BIN1: variants seen among roughly 807,000 people sequenced by gnomAD.
BIN1 encodes bridging integrator 1, also known as myc box-dependent-interacting protein 1.
A neutral mutation model predicts 82.0 loss-of-function variants in BIN1; 53 were observed. The observed-to-expected ratio is 0.65, with a 90% CI of 0.52 to 0.81. BIN1 has a LOEUF of 0.81. Ranked by LOEUF, BIN1 falls within the 40% of genes least tolerant of loss-of-function variation. The probability of loss-of-function intolerance (pLI) is 0.00; values close to 1 mark genes in which losing one functional copy is unlikely to be tolerated. For missense variants in BIN1, 642 were observed against 784.4 expected, an observed-to-expected ratio of 0.82 and a Z score of 2.17; for synonymous variants, 302 against 328.0, an observed-to-expected ratio of 0.92 and a Z score of 0.86.
chr2:127,083,555 AC>A (rs1314057449), intron 1 of BIN1, among the ~76,000 whole-genome samples: 1 of 152,012 alleles, frequency 6.6e-6, no homozygotes, highest in African/African-American at 2.4e-5. Flanking sequence ...TACCATAAGC[AC>A]CCCCAATACA....
At position 127,090,323 on chromosome 2, in the gene BIN1, T is replaced by C. The variant is rs1678757819; in HGVS notation, c.85-13617A>G. ...CCACATGAGGAGCCCTGATGGGCCT[T>C]GCTACTACTCCACATCCCAGTGCCA... On this transcript the variant is annotated intron_variant, in intron 1 of 18. Transcript: ENST00000316724. The surrounding 1 kb of genome is among the most constrained non-coding windows in gnomAD (Gnocchi z 6.4). Among the ~76,000 whole-genome samples, 1 of 152,206 alleles carries C rather than the reference T, an allele frequency of 6.6e-6. No homozygotes were observed. The highest frequency in any genetic ancestry group is 1.5e-5 in the Non-Finnish European group (1 of 68,020).
At position 127,093,974 on chromosome 2, in the gene BIN1, C is replaced by G. The variant is rs1375474439; in HGVS notation, c.84+12886G>C. 6.6e-6 allele frequency among the ~76,000 whole-genome samples: 1 copy of G among 152,160 alleles called. No homozygotes were observed. Among genetic ancestry groups the G allele is most frequent in the African/African-American group, 2.4e-5 (1 of 41,436 alleles). ...AGGATACACACGGAGGGCATGGGTG[C>G]AGCTAGACACCCCCCACTGGCCTAA... On this transcript the variant is annotated intron_variant, in intron 1 of 18. Transcript: ENST00000316724. This position sits in a 1 kb window ranked among gnomAD's most constrained non-coding sequence, Gnocchi z 5.7.
chr2:127,051,697 G>A (rs111871016), intron 15 of BIN1, among the ~76,000 whole-genome samples: 215 of 152,294 alleles, frequency 1.4e-3, no homozygotes, highest in African/African-American at 5.1e-3. Flanking sequence ...ACAACCCAGC[G>A]CAGGTGGTGC....
chr2:127,099,856 T>C lies in BIN1; in HGVS notation c.84+7004A>G, dbSNP rs987950511. Among the ~76,000 whole-genome samples, 12 of 149,032 alleles carry C rather than the reference T, an allele frequency of 8.1e-5. No homozygotes were observed. The East Asian group carries it at 1.4e-3, about 17-fold the overall frequency. ...TCTCGCTCTGTCGCCCAGGCCGGAG[T>C]GCAGTGGTGTGATCTCAGCTCACTG... is the stretch of plus-strand genomic sequence containing the variant. On this transcript the variant is annotated intron_variant, in intron 1 of 18. Transcript: ENST00000316724.
In BIN1 at chr2:127,057,164, A is replaced by G. The variant is rs1443310713; in HGVS notation, c.1131+309T>C. The stretch of plus-strand genomic sequence containing the variant: ...CTTCCCTGACAGCCACACGTCCTCC[A>G]CACTCCCCGATCCCCTCTGCCATAG... On this transcript the variant is annotated intron_variant, in intron 12 of 18. Transcript: ENST00000316724. This position sits in a 1 kb window ranked among gnomAD's most constrained non-coding sequence, Gnocchi z 5.0. Among the ~76,000 whole-genome samples the G allele has an allele frequency of 6.6e-6, 1 of 152,102 alleles. No individual in the cohort carries two copies. Among genetic ancestry groups the G allele is most frequent in the Non-Finnish European group, 1.5e-5 (1 of 68,010 alleles).
rs372072916 is a variant in BIN1, at chr2:127,062,167, C to T, written c.805G>A (p.Gly269Ser). The T allele has an allele frequency of 6.1e-5, 99 of 1,610,770 alleles. No individual in the cohort carries two copies. The highest frequency in any genetic ancestry group is 3.3e-4 in the Middle Eastern group (2 of 6,080). Residue 269 changes from glycine (G) to serine (S), a missense_variant, in exon 10 of 19, where the codon GGC (glycine) becomes AGC (serine). Coordinates refer to ENST00000316724, the MANE Select transcript of BIN1 (RefSeq NM_139343.3). ...LNQNLNDVLVGLEKQHGSNTF... is the reference protein window; with the variant it reads ...LNQNLNDVLVSLEKQHGSNTF... ...TTGCTCCCGTGTTGCTTCTCCAGGC[C>T]GACCAGCACATCATTGAGGTTCTGG... is the stretch of plus-strand genomic sequence containing the variant.
Position 127,059,201 on chromosome 2 carries a change from G to T in BIN1, c.858-46C>A. ...GGGAGCCCAGTGTTGGGGGGCCAAG[G>T]CACAGGAGACGGAGGGGCAAATGTA... On this transcript the variant is annotated intron_variant, in intron 10 of 18. Transcript: ENST00000316724. This position sits in a 1 kb window ranked among gnomAD's most constrained non-coding sequence, Gnocchi z 6.7. 1.3e-6 allele frequency: 2 copies of T among 1,550,716 alleles called. No homozygotes were observed. Among genetic ancestry groups the T allele is most frequent in the South Asian group, 1.2e-5 (1 of 84,304 alleles).
chr2:127,081,830 AC>A, intron 1 of BIN1: 1 of 1,287,882 alleles, frequency 7.8e-7, no homozygotes. Context: ...TAAGGCCCTC[AC>A]CTTCCGCATC....
At chr2:127,053,151 G>T in intron 14 of BIN1, 1 of 550,780 alleles carries the variant, frequency 1.8e-6, no homozygotes, top group Non-Finnish European at 3.3e-6. Flanking sequence ...CTCACAGGCT[G>T]TGAAAACAGG....
chr2:127,070,766 G>A lies in BIN1; in HGVS notation c.216C>T (p.Val72=). 6.2e-7 allele frequency: 1 copy of A among 1,613,698 alleles called. No individual in the cohort carries two copies. The highest frequency in any genetic ancestry group is 8.5e-7 in the Non-Finnish European group (1 of 1,179,992). Residue 72 remains valine, a synonymous_variant, in exon 3 of 19, where the codon GTC becomes GTT. Transcript: ENST00000316724. ...QKDLRTYLAS[V]KAMHEASKKL... is the part of the protein sequence containing the mutation. ...TGCGCTCTGCCTGCCTCCTACCTTT[G>A]ACGGAGGCCAGGTAGGTCCGGAGAT...
At chr2:127,060,573 T>C (rs1183371061) in intron 10 of BIN1, 8 of 1,614,028 alleles carry the variant, frequency 5.0e-6, no homozygotes, top group Admixed American at 1.7e-5. Flanking sequence ...TCTGCGCCCC[T>C]CCGCAGCACT....
intron 17 of BIN1, 137 bp from the exon 18 acceptor site, chr2:127,050,659 C>T: frequency 1.5e-6 from 2 of 1,312,920 alleles, no homozygotes; most frequent in Non-Finnish European, 2.2e-6. Flanking sequence ...CAGTATGGGG[C>T]TCAGATGCCA....
Position 127,107,106 on chromosome 2 carries a change from A to C in BIN1, c.-163T>G, listed in dbSNP as rs560690864. 11 of 734,178 alleles carry C rather than the reference A, an allele frequency of 1.5e-5. No homozygotes were observed. The highest frequency in any genetic ancestry group is 9.4e-5 in the African/African-American group (5 of 53,206). 45.5% of individuals were successfully genotyped at this position (734,178 alleles called of 1,614,324 possible). A position where few individuals can be genotyped will look rare whatever the true frequency, so the allele number is the denominator to read the frequency against. The stretch of plus-strand genomic sequence containing the variant: ...CTGACGGAGGCGGAGCGTGCGCCGG[A>C]CGGGCGAGCGAGCCAGCGAGCTAGC... On this transcript the variant is annotated 5_prime_UTR_variant, in exon 1 of 19. Transcript: ENST00000316724. This position sits in a 1 kb window ranked among gnomAD's most constrained non-coding sequence, Gnocchi z 5.9.
At chr2:127,091,725 CAA>C (rs57195434) in intron 1 of BIN1, among the ~76,000 whole-genome samples, 1 of 150,416 alleles carries the variant, frequency 6.6e-6, no homozygotes, top group African/African-American at 2.4e-5. Flanking sequence ...CCCATTTCTA[CAA>C]AAAAAAAATT....
In BIN1 at chr2:127,062,133, G is replaced by A. The variant is rs201872255; in HGVS notation, c.839C>T (p.Thr280Met). 28 of 1,609,902 alleles carry A rather than the reference G, an allele frequency of 1.7e-5. No homozygotes were observed. Among genetic ancestry groups the A allele is most frequent in the Admixed American group, 6.7e-5 (4 of 59,636 alleles). ...LEKQHGSNTF[T>M]VKAQPSDNAP... Reference sequence around the variant, plus strand: ...CACGCACCTGGGCTGGGCCTTGACCGTGAAGGTGTTGCTCCCGTGTTGCTT... The same window carrying A: ...CACGCACCTGGGCTGGGCCTTGACCATGAAGGTGTTGCTCCCGTGTTGCTT... The change falls in exon 10 of 19, where the codon ACG (threonine) becomes ATG (methionine). Residue 280 changes from threonine to methionine, a missense_variant. Coordinates refer to ENST00000316724, the MANE Select transcript of BIN1 (RefSeq NM_139343.3).
intron 18 of BIN1, among the ~76,000 whole-genome samples, chr2:127,049,670 T>G (rs1682624750): frequency 6.6e-6 from 1 of 151,968 alleles, no homozygotes; most frequent in Admixed American, 6.5e-5. Flanking sequence ...GATGCCCACA[T>G]GGCACCACCG....
At chr2:127,050,760 A>C in intron 17 of BIN1, 42 bp downstream of exon 17, 1 of 1,585,170 alleles carries the variant, frequency 6.3e-7, no homozygotes, top group Admixed American at 1.7e-5. Flanking sequence ...TCTGCCCACC[A>C]GGGCACCGAG....
Position 127,063,921 on chromosome 2 carries a change from G to A in BIN1, c.698+12C>T, listed in dbSNP as rs767274415. 5 of 1,612,780 alleles carry A rather than the reference G, an allele frequency of 3.1e-6. No individual in the cohort carries two copies. The African/African-American group carries it at 4.0e-5, about 13-fold the overall frequency. On this transcript the variant is annotated intron_variant, in intron 8 of 18. Transcript: ENST00000316724. The stretch of plus-strand genomic sequence containing the variant: ...CTGCCCCACGCAGGCTGGGCACCGT[G>A]CTGGGCCTCACCTGTTCCACAGGGA...
intron 15 of BIN1, among the ~76,000 whole-genome samples, chr2:127,051,569 C>T (rs1682956034): frequency 2.0e-5 from 3 of 152,146 alleles, no homozygotes; most frequent in South Asian, 2.1e-4. Context: ...ACCAAGACCT[C>T]GCCCAGCCAC....
Sources: gnomAD v4.1 joint callset for allele counts (sites outside exome capture counted in the v4.1 genomes callset) on GRCh38, gnomAD v4.1.1 for gene constraint, Gnocchi (gnomAD v3.1) non-coding constraint, MANE v1.5 for transcripts, NCBI Gene and HGNC (gene_info 2026-07-23, HGNC 2026-07-21) for gene names.